The following PXDNL variants were observed in gnomAD, a reference collection of about 807,000 sequenced individuals.
The protein encoded by PXDNL is probable oxidoreductase PXDNL.
In PXDNL, 145 loss-of-function variants were observed where a neutral mutation model predicts 150.8. The observed-to-expected ratio is 0.96, with a 90% CI of 0.84 to 1.10. The LOEUF (loss-of-function observed/expected upper bound fraction) is 1.10, where lower values mean the gene tolerates loss of function less well. Ranked by LOEUF, PXDNL falls within the 50% of genes least tolerant of loss-of-function variation. The pLI is 0.00. For missense variants in PXDNL, 2,087 were observed against 1,873.9 expected, an observed-to-expected ratio of 1.11 and a Z score of -2.10; for synonymous variants, 757 against 725.7, an observed-to-expected ratio of 1.04 and a Z score of -0.69.
At chr8:51,380,912 G>A (rs1176564453) in intron 17 of PXDNL, among the ~76,000 whole-genome samples, 6 of 151,416 alleles carry the variant, frequency 4.0e-5, no homozygotes, top group South Asian at 2.1e-4. Context: ...CTTTTTAATC[G>A]GCTTATGTCC....
chr8:51,348,196 T>C (rs1806220811), intron 19 of PXDNL, among the ~76,000 whole-genome samples: 1 of 152,086 alleles, frequency 6.6e-6, no homozygotes, highest in East Asian at 1.9e-4. Flanking sequence ...AAGGAAAAAA[T>C]ATAGAGAAAA....
chr8:51,503,574 T>A (rs1380171978), intron 4 of PXDNL, among the ~76,000 whole-genome samples: 4 of 152,212 alleles, frequency 2.6e-5, no homozygotes, highest in Non-Finnish European at 4.4e-5. Context: ...ATCTTATTTT[T>A]CTAGGCTGTG....
At chr8:51,570,130 A>G (rs1812903623) in intron 3 of PXDNL, among the ~76,000 whole-genome samples, 2 of 150,398 alleles carry the variant, frequency 1.3e-5, no homozygotes, top group African/African-American at 5.0e-5. Flanking sequence ...GGATTCTCAT[A>G]TATTAAAAAA....
At chr8:51,613,681 C>G (rs1224174324) in intron 2 of PXDNL, among the ~76,000 whole-genome samples, 3 of 152,124 alleles carry the variant, frequency 2.0e-5, no homozygotes, top group Non-Finnish European at 4.4e-5. Context: ...CAGGTTGTCT[C>G]TATTTTTCTC....
At chr8:51,590,476 G>A (rs1303272589) in intron 3 of PXDNL, among the ~76,000 whole-genome samples, 2 of 152,202 alleles carry the variant, frequency 1.3e-5, no homozygotes, top group Non-Finnish European at 2.9e-5. Flanking sequence ...CTGAAGCATG[G>A]CTGAGCCCAG....
intron 2 of PXDNL, among the ~76,000 whole-genome samples, chr8:51,624,985 A>T (rs1214412489): frequency 6.6e-6 from 1 of 152,130 alleles, no homozygotes; most frequent in Non-Finnish European, 1.5e-5. Flanking sequence ...ATAATTTAAA[A>T]TTTTTTATAG....
chr8:51,322,039 C>T (rs1322597257), intron 21 of PXDNL, among the ~76,000 whole-genome samples: 1 of 152,078 alleles, frequency 6.6e-6, no homozygotes, highest in Non-Finnish European at 1.5e-5. Flanking sequence ...GAAGAGACAC[C>T]AGATGTGCTC....
intron 2 of PXDNL, among the ~76,000 whole-genome samples, chr8:51,625,781 C>A (rs1277534379): frequency 6.6e-6 from 1 of 152,058 alleles, no homozygotes; most frequent in Non-Finnish European, 1.5e-5. Flanking sequence ...TGGCTAATGC[C>A]CAATAATTGT....
At chr8:51,343,183 C>G (rs533205414) in intron 20 of PXDNL, among the ~76,000 whole-genome samples, 2 of 152,102 alleles carry the variant, frequency 1.3e-5, no homozygotes, top group South Asian at 2.1e-4. Context: ...GTGACCAAGA[C>G]AGAAGAAAGA....
chr8:51,486,826 C>A (rs1356631836), intron 5 of PXDNL, among the ~76,000 whole-genome samples: 2 of 54,394 alleles, frequency 3.7e-5, no homozygotes, highest in South Asian at 6.5e-4. Context: ...TTTTTTGAGA[C>A]GGAGTCTCAC....
At chr8:51,739,831 G>T (rs1042759737) in intron 1 of PXDNL, among the ~76,000 whole-genome samples, 19 of 143,934 alleles carry the variant, frequency 1.3e-4, no homozygotes, top group Admixed American at 1.2e-3. Flanking sequence ...AGCCAAGATA[G>T]CACCACTGCA....
intron 6 of PXDNL, among the ~76,000 whole-genome samples, chr8:51,479,676 G>A (rs374023903): frequency 3.3e-5 from 5 of 152,114 alleles, no homozygotes; most frequent in Admixed American, 2.6e-4. Flanking sequence ...GCACACGGAC[G>A]TAGGGAGTGA....
chr8:51,678,518 C>T (rs1815675596), intron 1 of PXDNL, among the ~76,000 whole-genome samples: 1 of 151,480 alleles, frequency 6.6e-6, no homozygotes, highest in African/African-American at 2.4e-5. Context: ...ACATATACAC[C>T]ATGGAATACT....
chr8:51,624,182 T>G (rs1814317822), intron 2 of PXDNL, among the ~76,000 whole-genome samples: 1 of 145,364 alleles, frequency 6.9e-6, no homozygotes, highest in Non-Finnish European at 1.5e-5. Context: ...CCCCGGAGCA[T>G]AAAGTCAGCC....
chr8:51,396,863 A>C (rs1467432592), intron 17 of PXDNL, among the ~76,000 whole-genome samples: 1 of 152,172 alleles, frequency 6.6e-6, no homozygotes, highest in Non-Finnish European at 1.5e-5. Flanking sequence ...GTTGGAAGCA[A>C]TTTTCAAGCT....
intron 1 of PXDNL, among the ~76,000 whole-genome samples, chr8:51,676,935 G>A (rs1474863924): frequency 6.6e-6 from 1 of 152,156 alleles, no homozygotes; most frequent in Non-Finnish European, 1.5e-5. Context: ...CATTCCAGGT[G>A]GGAATCAGCT....
intron 19 of PXDNL, among the ~76,000 whole-genome samples, chr8:51,367,693 A>T (rs952761234): frequency 2.6e-5 from 4 of 152,260 alleles, no homozygotes; most frequent in African/African-American, 9.6e-5. Flanking sequence ...TTACTTATAT[A>T]ACAGATACAT....
chr8:51,637,466 G>A (rs919677930), intron 2 of PXDNL, among the ~76,000 whole-genome samples: 11 of 152,104 alleles, frequency 7.2e-5, no homozygotes, highest in East Asian at 1.9e-4. Flanking sequence ...AAGATTAGAC[G>A]AATGGCTAAC....
At chr8:51,772,027 G>A (rs1000249360) in intron 1 of PXDNL, among the ~76,000 whole-genome samples, 8 of 151,892 alleles carry the variant, frequency 5.3e-5, no homozygotes, top group Non-Finnish European at 2.9e-5. Flanking sequence ...CAGCTGGGAG[G>A]GTCCACTGTG....
Sources: gnomAD v4.1 joint callset for allele counts (sites outside exome capture counted in the v4.1 genomes callset) on GRCh38, gnomAD v4.1.1 for gene constraint, MANE v1.5 for transcripts, NCBI Gene and HGNC (gene_info 2026-07-23, HGNC 2026-07-21) for gene names.